Variants in SLC39A11 observed in about 807,000 individuals in gnomAD.
The protein encoded by SLC39A11 is zinc transporter ZIP11.
Under a neutral mutation model 36.1 loss-of-function variants are expected in SLC39A11, and 33 were observed. That is an observed-to-expected ratio of 0.91 (90% CI 0.69 to 1.22). The LOEUF is 1.22. Among genes scored for constraint, SLC39A11 ranks in the 50% most tolerant of loss-of-function variants. SLC39A11 has a pLI of 0.00. For synonymous variants in SLC39A11, 166 were observed against 170.3 expected (o/e 0.97, Z 0.20); for missense variants, 432 against 430.3 (o/e 1.00, Z -0.03).
intron 6 of SLC39A11, among the ~76,000 whole-genome samples, chr17:72,781,038 C>T (rs538386037): frequency 6.6e-5 from 10 of 152,316 alleles, no homozygotes; most frequent in Admixed American, 2.0e-4. Context: ...TCTTTACAGT[C>T]CACACTCATC....
At chr17:72,947,314 G>C (rs74640207) in intron 5 of SLC39A11, among the ~76,000 whole-genome samples, 74 of 120,172 alleles carry the variant, frequency 6.2e-4, no homozygotes, top group Middle Eastern at 4.2e-3. Context: ...ACTCCATCTC[G>C]GGGGGAAAAA....
intron 6 of SLC39A11, among the ~76,000 whole-genome samples, chr17:72,775,086 C>G (rs562415805): frequency 1.3e-5 from 2 of 152,294 alleles, no homozygotes; most frequent in East Asian, 3.9e-4. Context: ...ACCCATTCCC[C>G]CAACACCTGG....
chr17:73,027,957 C>T (rs952833650), intron 4 of SLC39A11, among the ~76,000 whole-genome samples: 1 of 152,196 alleles, frequency 6.6e-6, no homozygotes, highest in Non-Finnish European at 1.5e-5. Flanking sequence ...AGACGTGTCC[C>T]CAGGGGATAG....
chr17:73,075,197 C>T (rs2060280594), intron 3 of SLC39A11, among the ~76,000 whole-genome samples: 1 of 152,208 alleles, frequency 6.6e-6, no homozygotes, highest in South Asian at 2.1e-4. Flanking sequence ...AAACACTTCA[C>T]AATTACAATG....
At position 72,969,226 on chromosome 17, in the gene SLC39A11, C is replaced by T. The variant is rs546058501; in HGVS notation, c.307-21351G>A. Among the ~76,000 whole-genome samples the T allele has an allele frequency of 2.6e-5, 4 of 152,208 alleles. No homozygotes were observed. In the East Asian group the frequency reaches 5.8e-4, roughly 22 times the overall value. ...GGAAAACCAGCTGGTTCCAAGGAGACCAAAATGAAGCCAGCTTCATTGGCA... is the reference window on the plus strand; with the variant it reads ...GGAAAACCAGCTGGTTCCAAGGAGATCAAAATGAAGCCAGCTTCATTGGCA... On this transcript the variant is annotated intron_variant, in intron 4 of 9. Coordinates refer to ENST00000255559, the MANE Select transcript of SLC39A11 (RefSeq NM_139177.4).
chr17:72,955,433 G>T (rs1000722177), intron 4 of SLC39A11, among the ~76,000 whole-genome samples: 4 of 148,650 alleles, frequency 2.7e-5, no homozygotes, highest in Non-Finnish European at 5.9e-5. Flanking sequence ...CTCTCGAGTA[G>T]TTGGGACTAC....
intron 7 of SLC39A11, among the ~76,000 whole-genome samples, chr17:72,653,593 C>T (rs763032957): frequency 6.6e-6 from 1 of 152,078 alleles, no homozygotes; most frequent in Non-Finnish European, 1.5e-5. Context: ...GTGCCCACCA[C>T]CACGCCCAGC....
intron 5 of SLC39A11, among the ~76,000 whole-genome samples, chr17:72,906,388 C>A (rs1351731203): frequency 6.6e-6 from 1 of 152,242 alleles, no homozygotes; most frequent in Non-Finnish European, 1.5e-5. Flanking sequence ...ACACCTGTGC[C>A]TTTGCAGGCA....
At chr17:72,855,896 C>CAA (rs74402514) in intron 5 of SLC39A11, among the ~76,000 whole-genome samples, 1 of 126,914 alleles carries the variant, frequency 7.9e-6, no homozygotes, top group South Asian at 2.5e-4. Context: ...GAATCCGTCT[C>CAA]AAAAAAAAAA....
At chr17:72,816,859 A>G (rs1233886796) in intron 6 of SLC39A11, among the ~76,000 whole-genome samples, 3 of 152,132 alleles carry the variant, frequency 2.0e-5, no homozygotes, top group Non-Finnish European at 4.4e-5. Context: ...GATAAAGAAC[A>G]GAGTTCTTTT....
intron 4 of SLC39A11, among the ~76,000 whole-genome samples, chr17:72,949,144 C>CTTTTTGTTTTTTT (rs2085663179): frequency 2.7e-5 from 1 of 36,474 alleles, no homozygotes; most frequent in Non-Finnish European, 5.4e-5. Context: ...CACTGGGCAG[C>CTTTTTGTTTTTTT]TTTTTTTTTT....
At chr17:72,824,470 C>T (rs149065622) in intron 6 of SLC39A11, among the ~76,000 whole-genome samples, 17 of 151,088 alleles carry the variant, frequency 1.1e-4, no homozygotes, top group East Asian at 3.9e-4. Context: ...AAATTGGTAC[C>T]GGGAGTGGGG....
intron 5 of SLC39A11, among the ~76,000 whole-genome samples, chr17:72,914,027 G>A (rs7216258): frequency 0.57 from 84,820 of 149,008 alleles, 24,671 homozygotes; most frequent in African/African-American, 0.67. Context: ...AAAAAAGGCT[G>A]GGTGTGGTGA....
At chr17:73,004,211 G>GAAAAGA (rs1258312517) in intron 4 of SLC39A11, among the ~76,000 whole-genome samples, 1 of 126,974 alleles carries the variant, frequency 7.9e-6, no homozygotes, top group African/African-American at 2.9e-5. Flanking sequence ...AAGAAAGAAA[G>GAAAAGA]AAAGAAAGAA....
At chr17:72,781,407 C>G (rs1219641269) in intron 6 of SLC39A11, among the ~76,000 whole-genome samples, 2 of 149,938 alleles carry the variant, frequency 1.3e-5, no homozygotes, top group African/African-American at 5.0e-5. Flanking sequence ...TATTTTGTTT[C>G]TTTTGGTTTT....
intron 6 of SLC39A11, among the ~76,000 whole-genome samples, chr17:72,829,168 A>G (rs1419460197): frequency 1.3e-5 from 2 of 152,048 alleles, no homozygotes; most frequent in African/African-American, 4.8e-5. Context: ...CCTGGGCAAC[A>G]TGGCAAAACC....
intron 6 of SLC39A11, among the ~76,000 whole-genome samples, chr17:72,799,787 C>A (rs2077023033): frequency 6.6e-6 from 1 of 151,920 alleles, no homozygotes; most frequent in East Asian, 1.9e-4. Context: ...CCGCTGAACA[C>A]AGACCCTTCT....
At chr17:72,686,232 C>T (rs899271164) in intron 7 of SLC39A11, among the ~76,000 whole-genome samples, 1 of 152,138 alleles carries the variant, frequency 6.6e-6, no homozygotes, top group African/African-American at 2.4e-5. Context: ...TGGGCTTGGA[C>T]GAGTCCCTGT....
chr17:72,914,041 G>A (rs753824658), intron 5 of SLC39A11, among the ~76,000 whole-genome samples: 8 of 151,204 alleles, frequency 5.3e-5, no homozygotes, highest in Non-Finnish European at 1.2e-4. Flanking sequence ...GTGGTGATGC[G>A]TGGTGACTCA....
Sources: gnomAD v4.1 joint callset for allele counts (sites outside exome capture counted in the v4.1 genomes callset) on GRCh38, gnomAD v4.1.1 for gene constraint, MANE v1.5 for transcripts, NCBI Gene and HGNC (gene_info 2026-07-23, HGNC 2026-07-21) for gene names.